Variants in NKD2 observed in about 807,000 individuals in gnomAD.
NKD2 encodes the protein protein naked cuticle homolog 2.
NKD2 carries 43 observed loss-of-function variants against 34.8 expected under a neutral mutation model. The observed-to-expected ratio is 1.24, with a 90% CI of 0.97 to 1.60. The LOEUF is 1.60. NKD2 is among the 40% of genes most tolerant of loss of function. The pLI is 0.00. For missense variants in NKD2, 675 were observed against 627.1 expected (o/e 1.08, Z -0.82); for synonymous variants, 278 against 265.1 (o/e 1.05, Z -0.47).
chr5:1,035,756 C>A (rs1022194328), intron 8 of NKD2: 2 of 487,226 alleles, frequency 4.1e-6, no homozygotes, highest in African/African-American at 3.9e-5. Flanking sequence ...ACTGTGGCTC[C>A]CTGTGGCTCC....
rs191009823 is a variant in NKD2 at position 1,029,058 on chromosome 5, C to T, written c.142-3094C>T. ...TAAAGCTCTTGGCCTTCTAGTTAAC[C>T]GAGGCAGCGTAGATTAAAGGGCAGT... On this transcript the variant is annotated intron_variant, in intron 3 of 9. Transcript: ENST00000296849. Among the ~76,000 whole-genome samples, 176 of 152,310 alleles carry T rather than the reference C, an allele frequency of 1.2e-3. 1 individual carries two copies. Among genetic ancestry groups the T allele is most frequent in the African/African-American group, 4.1e-3 (172 of 41,566 alleles).
Position 1,009,549 on chromosome 5 carries a change from C to A in NKD2, c.130C>A (p.Arg44=). The change falls in exon 3 of 10, where the codon CGG becomes AGG. Residue 44 remains arginine, a synonymous_variant. Transcript: ENST00000296849. The surrounding 1 kb of genome is among the most constrained non-coding windows in gnomAD (Gnocchi z 6.9). ...CGCGGAGGAAGCGGAGCGGCGCGCG[C>A]GGGACAAGCAGGTAGGCGGCGGGGC... ...KGAEEAERRA[R]DKQELPNGDP... 1 of 1,490,426 alleles carries A rather than the reference C, an allele frequency of 6.7e-7. No individual in the cohort carries two copies. The highest frequency in any genetic ancestry group is 8.9e-7 in the Non-Finnish European group (1 of 1,129,142). The allele number at this position is 1,490,426 out of a possible 1,614,324, so 92.3% of individuals were successfully genotyped here.
intron 3 of NKD2, among the ~76,000 whole-genome samples, chr5:1,022,122 G>A (rs1398472159): frequency 2.0e-5 from 3 of 146,838 alleles, no homozygotes; most frequent in Non-Finnish European, 4.5e-5. Flanking sequence ...GCTGGCCCCT[G>A]TCCACCAGTA....
intron 3 of NKD2, among the ~76,000 whole-genome samples, chr5:1,026,194 T>G (rs759639575): frequency 0.046 from 1,118 of 24,498 alleles, 37 homozygotes; most frequent in Non-Finnish European, 0.07. Flanking sequence ...CTTCCCACCC[T>G]CTGTGGGCGT....
At chr5:1,019,396 T>C (rs1052463119) in intron 3 of NKD2, among the ~76,000 whole-genome samples, 69 of 152,124 alleles carry the variant, frequency 4.5e-4, no homozygotes, top group Non-Finnish European at 2.9e-5. Context: ...CCCCTGAGAG[T>C]GGGCTGTGGC....
At chr5:1,036,006 C>A in intron 8 of NKD2, 1 of 760,008 alleles carries the variant, frequency 1.3e-6, no homozygotes, top group Non-Finnish European at 1.8e-6. Context: ...ATGAGCCACT[C>A]CCTAGAGCAC....
At chr5:1,020,959 G>T (rs376319705) in intron 3 of NKD2, among the ~76,000 whole-genome samples, 3 of 152,262 alleles carry the variant, frequency 2.0e-5, no homozygotes, top group East Asian at 1.9e-4. Flanking sequence ...AGGGAGTGAG[G>T]GGCGTGGGTA....
chr5:1,016,465 T>A (rs1482480416), intron 3 of NKD2, among the ~76,000 whole-genome samples: 4 of 152,376 alleles, frequency 2.6e-5, no homozygotes, highest in Admixed American at 1.3e-4. Flanking sequence ...CTGCAGAATT[T>A]TCCAAGGAAA....
At chr5:1,020,363 C>A (rs923592847) in intron 3 of NKD2, among the ~76,000 whole-genome samples, 1 of 152,122 alleles carries the variant, frequency 6.6e-6, no homozygotes, top group Non-Finnish European at 1.5e-5. Context: ...CACACATGTA[C>A]GTAGGTCTGT....
At position 1,037,468 on chromosome 5, in the gene NKD2, G is replaced by A. The variant is rs890722049; in HGVS notation, c.788-337G>A. 6.7e-6 allele frequency: 10 copies of A among 1,485,032 alleles called. No individual in the cohort carries two copies. In the East Asian group the frequency reaches 1.7e-4, roughly 26 times the overall value. 92.0% of individuals were successfully genotyped at this position (1,485,032 alleles called of 1,614,324 possible). On this transcript the variant is annotated intron_variant, in intron 9 of 9. Transcript: ENST00000296849. ...TGAGGGTTTAGGGGATGCGAATCCT[G>A]GGGGCGCCCTCCCTGATATAACCTG...
In NKD2 at chr5:1,009,706, A is replaced by G. The variant is rs1368830694; in HGVS notation, c.141+146A>G. The G allele has an allele frequency of 1.1e-5, 7 of 632,944 alleles. No homozygotes were observed. In the African/African-American group the frequency reaches 1.2e-4, roughly 11 times the overall value. 39.2% of individuals were successfully genotyped at this position (632,944 alleles called of 1,614,324 possible). ...CGAGTGACCGGGGGCCAGGAGAGCC[A>G]GTCTCTCCCCAGCCTCCACGACGTC... On this transcript the variant is annotated intron_variant, in intron 3 of 9. Coordinates refer to ENST00000296849, the MANE Select transcript of NKD2 (RefSeq NM_033120.4). The surrounding 1 kb of genome is among the most constrained non-coding windows in gnomAD (Gnocchi z 6.9).
chr5:1,032,123 G>A, intron 3 of NKD2, 29 bp from the exon 4 acceptor site: 1 of 1,600,198 alleles, frequency 6.2e-7, no homozygotes, highest in South Asian at 1.1e-5. Context: ...TGAGCTATGT[G>A]GCCACTGACT....
chr5:1,016,008 A>G (rs1220309215), intron 3 of NKD2, among the ~76,000 whole-genome samples: 1 of 152,180 alleles, frequency 6.6e-6, no homozygotes, highest in African/African-American at 2.4e-5. Flanking sequence ...GTGCGGAAGG[A>G]GCCCTTCCTG....
chr5:1,011,236 C>T (rs114765412), intron 3 of NKD2, among the ~76,000 whole-genome samples: 220 of 152,308 alleles, frequency 1.4e-3, no homozygotes, highest in African/African-American at 5.0e-3. Context: ...AAAAGTGCTG[C>T]CTTTCTGTAT....
At chr5:1,011,053 A>G (rs1203774199) in intron 3 of NKD2, among the ~76,000 whole-genome samples, 1 of 151,960 alleles carries the variant, frequency 6.6e-6, no homozygotes, top group African/African-American at 2.4e-5. Context: ...TAGACCTGCC[A>G]CTCTACACTG....
At chr5:1,014,644 G>A (rs1484824893) in intron 3 of NKD2, among the ~76,000 whole-genome samples, 2 of 152,200 alleles carry the variant, frequency 1.3e-5, no homozygotes, top group African/African-American at 2.4e-5. Context: ...TCCAGGCCCC[G>A]ACTGGGGGAA....
rs1755632588 is a variant in NKD2 at position 1,008,949 on chromosome 5, G to A, written c.-109G>A. ...GAGCCATCTTCCCTCACCTCCTACCGGCACCCTAGCTTGCTCCCGGCCCAT... is the reference window on the plus strand; with the variant it reads ...GAGCCATCTTCCCTCACCTCCTACCAGCACCCTAGCTTGCTCCCGGCCCAT... On this transcript the variant is annotated 5_prime_UTR_variant, in exon 1 of 10. Transcript: ENST00000296849. The A allele has an allele frequency of 2.5e-6, 1 of 398,454 alleles. No individual in the cohort carries two copies. The highest frequency in any genetic ancestry group is 4.4e-6 in the Non-Finnish European group (1 of 226,786). The allele number at this position is 398,454 out of a possible 1,614,324, so 24.7% of individuals were successfully genotyped here.
chr5:1,026,592 G>T (rs1264446428), intron 3 of NKD2, among the ~76,000 whole-genome samples: 1 of 70,018 alleles, frequency 1.4e-5, no homozygotes, highest in Non-Finnish European at 3.8e-5. Flanking sequence ...CATTGTCCCT[G>T]CTCTTCCCAC....
In NKD2 at chr5:1,035,531, C is replaced by A. The variant is rs1030570149; in HGVS notation, c.659+58C>A. 9.0e-5 allele frequency: 122 copies of A among 1,354,506 alleles called. No homozygotes were observed. The East Asian group carries it at 3.0e-3, about 33-fold the overall frequency. 83.9% of individuals were successfully genotyped at this position (1,354,506 alleles called of 1,614,324 possible). ...CTTAGGCGGGGGCACCCTGGCCACA[C>A]CCCTGCTTCCCGCAGGCCACAGGCC... On this transcript the variant is annotated intron_variant, in intron 8 of 9. Coordinates refer to ENST00000296849, the MANE Select transcript of NKD2 (RefSeq NM_033120.4).
Sources: allele counts gnomAD v4.1 joint callset (sites outside exome capture counted in the v4.1 genomes callset), GRCh38; gene constraint gnomAD v4.1.1; non-coding constraint Gnocchi (gnomAD v3.1); transcripts MANE v1.5; gene names NCBI Gene and HGNC (gene_info 2026-07-23, HGNC 2026-07-21).